The following COL11A1 variants were observed in gnomAD, a reference collection of about 807,000 sequenced individuals.
The protein encoded by COL11A1 is collagen type XI alpha 1 chain, also known as collagen alpha-1(XI) chain.
In COL11A1, 74 loss-of-function variants were observed where a neutral mutation model predicts 265.2. The ratio of observed to expected loss-of-function variants is 0.28; its 90% CI spans 0.23 to 0.34. COL11A1 has a LOEUF of 0.34. Among genes scored for constraint, COL11A1 ranks in the 10% least tolerant of loss-of-function variants. The probability of loss-of-function intolerance (pLI) is 1.00; values close to 1 mark genes in which losing one functional copy is unlikely to be tolerated. For synonymous variants in COL11A1, 816 were observed against 727.6 expected, an observed-to-expected ratio of 1.12 and a Z score of -1.96; for missense variants, 2,165 against 2,263.6, an observed-to-expected ratio of 0.96 and a Z score of 0.88.
intron 54 of COL11A1, among the ~76,000 whole-genome samples, chr1:102,907,348 C>A (rs955553489): frequency 3.3e-5 from 5 of 152,002 alleles, no homozygotes; most frequent in African/African-American, 1.2e-4. Context: ...TCAAAGGGAA[C>A]TCAACTAATG....
chr1:102,892,015 T>G (rs1651838677), intron 57 of COL11A1, among the ~76,000 whole-genome samples: 1 of 152,108 alleles, frequency 6.6e-6, no homozygotes, highest in Non-Finnish European at 1.5e-5. Flanking sequence ...AGGCAACAGA[T>G]GCTGTTGGAA....
intron 4 of COL11A1, among the ~76,000 whole-genome samples, chr1:103,050,848 G>T (rs904984274): frequency 6.6e-6 from 1 of 152,180 alleles, no homozygotes; most frequent in Non-Finnish European, 1.5e-5. Context: ...AGGTCTGTTG[G>T]AGTTTGCTAG....
At chr1:102,930,110 C>T (rs1378300366) in intron 46 of COL11A1, among the ~76,000 whole-genome samples, 1 of 152,134 alleles carries the variant, frequency 6.6e-6, no homozygotes, top group African/African-American at 2.4e-5. Context: ...CTGCCCTGGC[C>T]AGAACTTTCA....
At chr1:102,969,965 C>T (rs1001806567) in intron 37 of COL11A1, among the ~76,000 whole-genome samples, 17 of 152,070 alleles carry the variant, frequency 1.1e-4, no homozygotes, top group Non-Finnish European at 1.9e-4. Context: ...TCTCCATCAG[C>T]TCATCCTTAA....
chr1:103,078,823 T>G lies in COL11A1; in HGVS notation c.323A>C (p.Lys108Thr), dbSNP rs1173736609. Residue 108 changes from lysine (K) to threonine (T), a missense_variant, in exon 3 of 67, where the codon AAA (lysine) becomes ACA (threonine). Physicochemically the swap from Lys to Thr is moderately conservative, Grantham distance 78 (BLOSUM62 -1). Coordinates refer to ENST00000370096, the MANE Select transcript of COL11A1 (RefSeq NM_001854.4). ...DFSILFTVKP[K>T]KGIQSFLLSI... ...TAAAAGGAAAGACTGAATTCCTTTT[T>G]TTGGTTTTACTGTAAATAGTATTGA... 1 of 1,612,182 alleles carries G rather than the reference T, an allele frequency of 6.2e-7. No homozygotes were observed. Among genetic ancestry groups the G allele is most frequent in the South Asian group, 1.1e-5 (1 of 91,040 alleles).
intron 1 of COL11A1, among the ~76,000 whole-genome samples, chr1:103,090,541 G>A (rs1055940524): frequency 6.6e-6 from 1 of 152,146 alleles, no homozygotes; most frequent in Admixed American, 6.5e-5. Context: ...AGTTTCCACA[G>A]TAAGAACTGC....
intron 1 of COL11A1, among the ~76,000 whole-genome samples, chr1:103,090,236 C>T (rs1414318300): frequency 6.6e-6 from 1 of 152,036 alleles, no homozygotes; most frequent in African/African-American, 2.4e-5. Flanking sequence ...TTATTCTCAA[C>T]CCATACCTCA....
At chr1:103,019,472 A>G (rs889311038) in intron 9 of COL11A1, among the ~76,000 whole-genome samples, 1 of 152,198 alleles carries the variant, frequency 6.6e-6, no homozygotes, top group Non-Finnish European at 1.5e-5. Flanking sequence ...ACTTTTTATA[A>G]TAAGGACTGA....
At chr1:102,911,181 T>C (rs904030817) in intron 54 of COL11A1, among the ~76,000 whole-genome samples, 2 of 152,154 alleles carry the variant, frequency 1.3e-5, no homozygotes, top group Non-Finnish European at 2.9e-5. Flanking sequence ...TAAGAAAATG[T>C]ACTTGGCCAA....
At position 103,075,832 on chromosome 1, in the gene COL11A1, A is replaced by G. The variant is rs1671931920; in HGVS notation, c.489-1052T>C. Among the ~76,000 whole-genome samples, 8 of 152,112 alleles carry G rather than the reference A, an allele frequency of 5.3e-5. No homozygotes were observed. The South Asian group carries it at 1.7e-3, about 32-fold the overall frequency. On this transcript the variant is annotated intron_variant, in intron 3 of 66. Coordinates refer to ENST00000370096, the MANE Select transcript of COL11A1 (RefSeq NM_001854.4). ...TGGCATGGTGACCAAGTGTATTTCC[A>G]TATACACTTAATCTTTGGTCTTTCC...
chr1:103,006,378 T>A (rs990025604), intron 15 of COL11A1, 63 bp from the exon 16 acceptor site: 2 of 1,264,464 alleles, frequency 1.6e-6, no homozygotes, highest in Admixed American at 2.0e-5. Context: ...CTCAATAGCA[T>A]CAAGAGAGAT....
intron 57 of COL11A1, among the ~76,000 whole-genome samples, chr1:102,891,681 C>G (rs1024214266): frequency 1.1e-4 from 16 of 150,588 alleles, no homozygotes; most frequent in East Asian, 7.8e-4. Context: ...TTGCAACCAG[C>G]CTGGGTAACA....
intron 35 of COL11A1, among the ~76,000 whole-genome samples, chr1:102,976,099 A>T (rs1662437802): frequency 6.6e-6 from 1 of 152,044 alleles, no homozygotes; most frequent in African/African-American, 2.4e-5. Flanking sequence ...TAAAAATAGT[A>T]TTCTTTTGGT....
intron 11 of COL11A1, among the ~76,000 whole-genome samples, chr1:103,016,902 T>C (rs1666612559): frequency 6.6e-6 from 1 of 152,034 alleles, no homozygotes; most frequent in African/African-American, 2.4e-5. Flanking sequence ...ATCATTTATA[T>C]GTCTCTATTT....
intron 32 of COL11A1, 111 bp downstream of exon 32, chr1:102,979,271 C>A (rs1662805775): frequency 8.2e-7 from 1 of 1,220,080 alleles, no homozygotes; most frequent in Non-Finnish European, 1.2e-6. Flanking sequence ...CTCCGGGATT[C>A]AAGCAATCCT....
At chr1:103,040,310 T>A (rs980014545) in intron 4 of COL11A1, among the ~76,000 whole-genome samples, 1 of 151,170 alleles carries the variant, frequency 6.6e-6, no homozygotes, top group African/African-American at 2.4e-5. Context: ...TTCAAATATA[T>A]AGTTCAAAAA....
At chr1:103,034,303 T>C (rs1668197970) in intron 4 of COL11A1, among the ~76,000 whole-genome samples, 1 of 152,126 alleles carries the variant, frequency 6.6e-6, no homozygotes, top group Non-Finnish European at 1.5e-5. Context: ...CCCTTACTTT[T>C]TCTGGGACTC....
intron 49 of COL11A1, among the ~76,000 whole-genome samples, chr1:102,918,088 A>C (rs938663974): frequency 8.6e-5 from 13 of 151,488 alleles, no homozygotes; most frequent in Non-Finnish European, 1.6e-4. Context: ...TATTTCTAAT[A>C]CCAAAATGCT....
intron 4 of COL11A1, 91 bp downstream of exon 4, chr1:103,074,527 T>A (rs1020482587): frequency 4.3e-5 from 61 of 1,432,546 alleles, no homozygotes; most frequent in African/African-American, 5.6e-5. Context: ...CTTTGCTTTA[T>A]AACGTATTGC....
Sources: gnomAD v4.1 joint callset for allele counts (sites outside exome capture counted in the v4.1 genomes callset) on GRCh38, gnomAD v4.1.1 for gene constraint, MANE v1.5 for transcripts, NCBI Gene and HGNC (gene_info 2026-07-23, HGNC 2026-07-21) for gene names.